RSRC1: variants seen among roughly 807,000 people sequenced by gnomAD.
The protein encoded by RSRC1 is serine/Arginine-related protein 53.
RSRC1 carries 39 observed loss-of-function variants against 49.1 expected under a neutral mutation model. That is an observed-to-expected ratio of 0.79 (90% CI 0.61 to 1.04). The LOEUF is 1.04. Among genes scored for constraint, RSRC1 ranks in the 50% least tolerant of loss-of-function variants. The pLI, the probability that RSRC1 is intolerant of heterozygous loss-of-function variation, is 0.00. For missense variants in RSRC1, 388 were observed against 402.4 expected, an observed-to-expected ratio of 0.96 and a Z score of 0.31; for synonymous variants, 143 against 130.8, an observed-to-expected ratio of 1.09 and a Z score of -0.63.
At chr3:158,510,418 G>A (rs905423588) in intron 7 of RSRC1, among the ~76,000 whole-genome samples, 14 of 151,496 alleles carry the variant, frequency 9.2e-5, no homozygotes, top group African/African-American at 3.4e-4. Flanking sequence ...TTTATGTCCT[G>A]TATCAGAAAA....
intron 7 of RSRC1, among the ~76,000 whole-genome samples, chr3:158,521,483 T>A (rs546297621): frequency 6.6e-6 from 1 of 152,210 alleles, no homozygotes; most frequent in African/African-American, 2.4e-5. Context: ...TTTTCTTCTA[T>A]GAAATAACAA....
At chr3:158,217,296 G>C (rs1225754372) in intron 4 of RSRC1, among the ~76,000 whole-genome samples, 1 of 151,682 alleles carries the variant, frequency 6.6e-6, no homozygotes, top group Non-Finnish European at 1.5e-5. Context: ...AACAACATTA[G>C]ACTGGTATGT....
chr3:158,465,987 T>C (rs1238656934), intron 7 of RSRC1, among the ~76,000 whole-genome samples: 4 of 152,220 alleles, frequency 2.6e-5, no homozygotes, highest in African/African-American at 9.6e-5. Context: ...GCCATCTGTC[T>C]TATTTCCCTC....
intron 4 of RSRC1, among the ~76,000 whole-genome samples, chr3:158,243,788 A>G (rs1300872531): frequency 6.6e-6 from 1 of 151,852 alleles, no homozygotes; most frequent in Non-Finnish European, 1.5e-5. Flanking sequence ...TAGGTATTTT[A>G]TTCCTTTTGT....
At chr3:158,327,887 A>C (rs904359094) in intron 5 of RSRC1, among the ~76,000 whole-genome samples, 4 of 151,796 alleles carry the variant, frequency 2.6e-5, no homozygotes, top group African/African-American at 9.7e-5. Context: ...GTAGGTCTCT[A>C]AGGACTTGCT....
At chr3:158,384,986 C>T (rs1416624788) in intron 6 of RSRC1, among the ~76,000 whole-genome samples, 1 of 152,024 alleles carries the variant, frequency 6.6e-6, no homozygotes, top group Non-Finnish European at 1.5e-5. Flanking sequence ...ATGAGTCCCC[C>T]AAAGTGCCAT....
chr3:158,398,651 A>G (rs907663200), intron 6 of RSRC1, among the ~76,000 whole-genome samples: 1 of 152,166 alleles, frequency 6.6e-6, no homozygotes, highest in African/African-American at 2.4e-5. Flanking sequence ...GATGGATTAT[A>G]AAATGATAAA....
At chr3:158,130,729 G>A (rs1715962130) in intron 3 of RSRC1, among the ~76,000 whole-genome samples, 1 of 152,164 alleles carries the variant, frequency 6.6e-6, no homozygotes, top group African/African-American at 2.4e-5. Context: ...CACTCAGAAA[G>A]TTTCAGAGTT....
At chr3:158,503,313 T>G (rs1739693039) in intron 7 of RSRC1, among the ~76,000 whole-genome samples, 1 of 152,070 alleles carries the variant, frequency 6.6e-6, no homozygotes, top group Non-Finnish European at 1.5e-5. Flanking sequence ...ATGGACTCCG[T>G]GAGGGTTCTT....
chr3:158,530,372 CCAT>C (rs1712312143), intron 7 of RSRC1, among the ~76,000 whole-genome samples: 1 of 151,838 alleles, frequency 6.6e-6, no homozygotes, highest in Admixed American at 6.6e-5. Context: ...TGAAATACCA[CCAT>C]GTCAGAGAGT....
intron 5 of RSRC1, among the ~76,000 whole-genome samples, chr3:158,306,963 A>G (rs187620331): frequency 4.1e-5 from 6 of 146,892 alleles, no homozygotes; most frequent in Non-Finnish European, 7.5e-5. Context: ...TTGATACCAT[A>G]TTGTTTAGTA....
intron 3 of RSRC1, among the ~76,000 whole-genome samples, chr3:158,165,923 A>G (rs1322592130): frequency 6.6e-6 from 1 of 152,192 alleles, no homozygotes; most frequent in Non-Finnish European, 1.5e-5. Flanking sequence ...ATTGCTGGTG[A>G]AAGTTTCTAC....
chr3:158,401,767 A>G (rs1733905647), intron 6 of RSRC1, among the ~76,000 whole-genome samples: 1 of 152,052 alleles, frequency 6.6e-6, no homozygotes, highest in Admixed American at 6.6e-5. Context: ...ATTGAAACCT[A>G]TGTGATAAGG....
chr3:158,416,417 A>G (rs1340746823), intron 6 of RSRC1, among the ~76,000 whole-genome samples: 2 of 152,018 alleles, frequency 1.3e-5, no homozygotes, highest in African/African-American at 2.4e-5. Flanking sequence ...GGCAGCTTCC[A>G]CTTCTTGTCT....
At chr3:158,444,712 T>A (rs1436108875) in intron 6 of RSRC1, among the ~76,000 whole-genome samples, 4 of 151,812 alleles carry the variant, frequency 2.6e-5, no homozygotes, top group Non-Finnish European at 5.9e-5. Flanking sequence ...ACCATCAGAG[T>A]GAACAGGCAA....
At chr3:158,498,131 C>A (rs1220702787) in intron 7 of RSRC1, among the ~76,000 whole-genome samples, 1 of 151,954 alleles carries the variant, frequency 6.6e-6, no homozygotes, top group African/African-American at 2.4e-5. Flanking sequence ...ACCTTTAGTT[C>A]TTTAAGGAAT....
intron 4 of RSRC1, among the ~76,000 whole-genome samples, chr3:158,205,761 A>G (rs1721311803): frequency 6.6e-6 from 1 of 152,074 alleles, no homozygotes; most frequent in Non-Finnish European, 1.5e-5. Context: ...CCTGGGCCAC[A>G]CTGGAAGAAG....
chr3:158,199,752 G>A (rs1214533405), intron 3 of RSRC1, among the ~76,000 whole-genome samples: 2 of 151,750 alleles, frequency 1.3e-5, no homozygotes, highest in Non-Finnish European at 2.9e-5. Context: ...AATTTCCTTT[G>A]TGCTTTCTTA....
chr3:158,498,207 C>T (rs1578547806), intron 7 of RSRC1, among the ~76,000 whole-genome samples: 2 of 151,138 alleles, frequency 1.3e-5, no homozygotes, highest in East Asian at 3.9e-4. Context: ...GAAGTGTTCC[C>T]TGATCATCGC....
Sources: allele counts gnomAD v4.1 joint callset (sites outside exome capture counted in the v4.1 genomes callset), GRCh38; gene constraint gnomAD v4.1.1; transcripts MANE v1.5; gene names NCBI Gene and HGNC (gene_info 2026-07-23, HGNC 2026-07-21).